The following DLGAP1 variants were observed in gnomAD, a reference collection of about 807,000 sequenced individuals.
DLGAP1 encodes disks large-associated protein 1.
DLGAP1 carries 11 observed loss-of-function variants against 90.8 expected under a neutral mutation model. The observed-to-expected ratio is 0.12, with a 90% CI of 0.08 to 0.20. DLGAP1 has a LOEUF of 0.20. DLGAP1 is among the 10% of genes least tolerant of loss of function. The pLI, the probability that DLGAP1 is intolerant of heterozygous loss-of-function variation, is 1.00. For missense variants in DLGAP1, 1,050 were observed against 1,333.8 expected, an observed-to-expected ratio of 0.79 and a Z score of 3.31; for synonymous variants, 558 against 540.7, an observed-to-expected ratio of 1.03 and a Z score of -0.44.
At chr18:4,283,666 A>G (rs2079609147) in intron 1 of DLGAP1, among the ~76,000 whole-genome samples, 1 of 152,218 alleles carries the variant, frequency 6.6e-6, no homozygotes, top group African/African-American at 2.4e-5. Flanking sequence ...GGGATCAAAT[A>G]GTTTGGGATA....
intron 2 of DLGAP1, among the ~76,000 whole-genome samples, chr18:4,038,145 C>T (rs774639894): frequency 1.2e-4 from 19 of 152,120 alleles, no homozygotes; most frequent in Non-Finnish European, 2.4e-4. Context: ...ATCCTAGATG[C>T]TACAGTTCCA....
chr18:3,600,885 G>T (rs372321507), intron 7 of DLGAP1, among the ~76,000 whole-genome samples: 4,513 of 13,718 alleles, frequency 0.33, 1,604 homozygotes, highest in Non-Finnish European at 0.5. Context: ...TATATAGATA[G>T]ATATATAGAT....
At chr18:3,732,421 A>G (rs2062469766) in intron 6 of DLGAP1, among the ~76,000 whole-genome samples, 1 of 152,236 alleles carries the variant, frequency 6.6e-6, no homozygotes, top group African/African-American at 2.4e-5. Flanking sequence ...ACTAGTTGGA[A>G]TATTCTCTTT....
intron 2 of DLGAP1, among the ~76,000 whole-genome samples, chr18:4,092,378 C>T (rs1035055263): frequency 6.6e-6 from 1 of 152,164 alleles, no homozygotes; most frequent in Admixed American, 6.5e-5. Context: ...GTGTCTGGAT[C>T]TTAGGAGTGG....
intron 7 of DLGAP1, among the ~76,000 whole-genome samples, chr18:3,664,598 T>C (rs1437498581): frequency 6.6e-6 from 1 of 152,076 alleles, no homozygotes; most frequent in East Asian, 1.9e-4. Context: ...TCAGGGAAGT[T>C]CTCCCTGAGC....
At chr18:3,785,477 A>G (rs1453806077) in intron 5 of DLGAP1, among the ~76,000 whole-genome samples, 1 of 152,256 alleles carries the variant, frequency 6.6e-6, no homozygotes, top group Non-Finnish European at 1.5e-5. Flanking sequence ...TGAGTACTCA[A>G]TAACTCAGTG....
chr18:4,316,848 A>G (rs1347454049), intron 1 of DLGAP1, among the ~76,000 whole-genome samples: 3 of 152,102 alleles, frequency 2.0e-5, no homozygotes, highest in Non-Finnish European at 4.4e-5. Context: ...ATTTTTTCCC[A>G]TGTCCATATC....
intron 1 of DLGAP1, among the ~76,000 whole-genome samples, chr18:4,369,771 A>G: frequency 6.6e-6 from 1 of 150,412 alleles, no homozygotes; most frequent in East Asian, 2.0e-4. Flanking sequence ...TAGAGGTAAC[A>G]AAACCTAGTA....
intron 2 of DLGAP1, among the ~76,000 whole-genome samples, chr18:4,086,719 ATC>A (rs1233924755): frequency 6.6e-6 from 1 of 151,792 alleles, no homozygotes; most frequent in African/African-American, 2.4e-5. Context: ...CTACAATATG[ATC>A]TCTCTTGGTG....
intron 3 of DLGAP1, among the ~76,000 whole-genome samples, chr18:3,968,837 C>A (rs1299725679): frequency 6.6e-6 from 1 of 151,766 alleles, no homozygotes; most frequent in African/African-American, 2.4e-5. Flanking sequence ...TGTCCCTGCC[C>A]AGCTATGTGG....
intron 2 of DLGAP1, among the ~76,000 whole-genome samples, chr18:4,053,235 C>T (rs2075161751): frequency 6.6e-6 from 1 of 152,202 alleles, no homozygotes. Context: ...CACAGTTTAG[C>T]ATGGCTGGTG....
At chr18:3,770,717 G>C (rs552738209) in intron 5 of DLGAP1, among the ~76,000 whole-genome samples, 1 of 152,188 alleles carries the variant, frequency 6.6e-6, no homozygotes, top group Non-Finnish European at 1.5e-5. Context: ...TAAGGCAGAA[G>C]TATATTTGAA....
intron 2 of DLGAP1, among the ~76,000 whole-genome samples, chr18:4,130,738 C>T (rs2076301082): frequency 6.6e-6 from 1 of 152,044 alleles, no homozygotes; most frequent in South Asian, 2.1e-4. Context: ...AGGGTCATCA[C>T]AGAGAAAGAG....
chr18:4,163,570 G>C lies in DLGAP1; in HGVS notation c.-266-12283C>G, dbSNP rs1256898223. On this transcript the variant is annotated intron_variant, in intron 1 of 12. Coordinates refer to ENST00000315677, the MANE Select transcript of DLGAP1 (RefSeq NM_004746.4). The stretch of plus-strand genomic sequence containing the variant: ...GCACAGATCTGTAGAAGTAAATTGT[G>C]CACATACTTCCCACTGCCAATGTCA... Among the ~76,000 whole-genome samples, 5 of 152,308 alleles carry C rather than the reference G, an allele frequency of 3.3e-5. No homozygotes were observed. In the East Asian group the frequency reaches 9.6e-4, roughly 29 times the overall value.
chr18:4,392,059 A>C (rs1034036267), intron 1 of DLGAP1, among the ~76,000 whole-genome samples: 4 of 152,216 alleles, frequency 2.6e-5, no homozygotes, highest in African/African-American at 9.7e-5. Flanking sequence ...TCATGAACCG[A>C]AAGTTCAATT....
chr18:4,048,770 T>A (rs1487399183), intron 2 of DLGAP1, among the ~76,000 whole-genome samples: 1 of 152,202 alleles, frequency 6.6e-6, no homozygotes, highest in Non-Finnish European at 1.5e-5. Context: ...AAGGCTGCTT[T>A]GGGATGAAAA....
At chr18:4,365,973 G>T (rs2144150085) in intron 1 of DLGAP1, among the ~76,000 whole-genome samples, 1 of 152,150 alleles carries the variant, frequency 6.6e-6, no homozygotes, top group East Asian at 1.9e-4. Context: ...TCTTTAGCAA[G>T]ATACACTGAT....
intron 1 of DLGAP1, among the ~76,000 whole-genome samples, chr18:4,434,519 C>A (rs1401661660): frequency 6.6e-6 from 1 of 152,178 alleles, no homozygotes; most frequent in African/African-American, 2.4e-5. Flanking sequence ...GCTGCCAGCA[C>A]CCAGTTTGTA....
At chr18:3,626,020 G>A (rs1368518601) in intron 7 of DLGAP1, among the ~76,000 whole-genome samples, 1 of 152,184 alleles carries the variant, frequency 6.6e-6, no homozygotes, top group Non-Finnish European at 1.5e-5. Flanking sequence ...ATGTGGCTGG[G>A]AGCCATGGCT....
Sources: gnomAD v4.1 joint callset for allele counts (sites outside exome capture counted in the v4.1 genomes callset) on GRCh38, gnomAD v4.1.1 for gene constraint, MANE v1.5 for transcripts, NCBI Gene and HGNC (gene_info 2026-07-23, HGNC 2026-07-21) for gene names.